SERGEF: variants seen among roughly 807,000 people sequenced by gnomAD.
SERGEF encodes secretion-regulating guanine nucleotide exchange factor.
In SERGEF, 51 loss-of-function variants were observed where a neutral mutation model predicts 50.0. The observed-to-expected ratio is 1.02, with a 90% CI of 0.81 to 1.29. The LOEUF is 1.29. Ranked by LOEUF, SERGEF falls within the 50% of genes most tolerant of loss-of-function variation. The pLI is 0.00. For missense variants in SERGEF, 521 were observed against 557.0 expected (o/e 0.94, Z 0.65); for synonymous variants, 205 against 212.4 (o/e 0.97, Z 0.30).
At chr11:18,001,841 C>G in intron 4 of SERGEF, 1 of 312,430 alleles carries the variant, frequency 3.2e-6, no homozygotes, top group Non-Finnish European at 6.3e-6. Context: ...AACTCTATAG[C>G]ATAATCATAA....
intron 9 of SERGEF, among the ~76,000 whole-genome samples, chr11:17,956,411 T>C (rs1357448976): frequency 6.6e-6 from 1 of 152,224 alleles, no homozygotes; most frequent in Non-Finnish European, 1.5e-5. Context: ...TAGAGGCCAG[T>C]TGAGTTTACC....
intron 9 of SERGEF, among the ~76,000 whole-genome samples, chr11:17,910,893 G>A (rs564172250): frequency 3.3e-5 from 5 of 152,288 alleles, no homozygotes; most frequent in South Asian, 4.1e-4. Context: ...GGCCAGGAGG[G>A]CCTCGTGGCT....
At chr11:17,831,204 T>C (rs1367606621) in intron 10 of SERGEF, among the ~76,000 whole-genome samples, 1 of 152,152 alleles carries the variant, frequency 6.6e-6, no homozygotes, top group Non-Finnish European at 1.5e-5. Flanking sequence ...TTCAGCAGGA[T>C]GAGATAGAGC....
intron 8 of SERGEF, among the ~76,000 whole-genome samples, chr11:17,981,444 A>T (rs924346649): frequency 2.0e-5 from 3 of 152,246 alleles, no homozygotes; most frequent in Non-Finnish European, 4.4e-5. Context: ...CTGGAATTAG[A>T]ATAGCAGGCT....
intron 6 of SERGEF, among the ~76,000 whole-genome samples, chr11:17,994,292 G>C (rs902355770): frequency 3.9e-5 from 6 of 151,940 alleles, no homozygotes; most frequent in African/African-American, 1.5e-4. Context: ...GGTTAACACG[G>C]TGAAAACCCT....
chr11:17,986,179 A>G (rs1853592026), intron 8 of SERGEF, among the ~76,000 whole-genome samples: 1 of 152,176 alleles, frequency 6.6e-6, no homozygotes, highest in Admixed American at 6.5e-5. Flanking sequence ...TCTTATTCCC[A>G]TTAATGTGAG....
At chr11:17,916,962 T>C (rs1852059563) in intron 9 of SERGEF, among the ~76,000 whole-genome samples, 5 of 152,240 alleles carry the variant, frequency 3.3e-5, no homozygotes, top group Admixed American at 2.0e-4. Flanking sequence ...TTGTACACTG[T>C]TGGTGGGAAT....
chr11:17,926,653 G>T, intron 9 of SERGEF: 1 of 425,776 alleles, frequency 2.3e-6, no homozygotes, highest in South Asian at 1.7e-5. Context: ...TATGCCAGAG[G>T]TTCAGCAAGT....
At chr11:17,897,291 G>A (rs561103029) in intron 9 of SERGEF, among the ~76,000 whole-genome samples, 2 of 152,264 alleles carry the variant, frequency 1.3e-5, no homozygotes, top group East Asian at 3.9e-4. Context: ...AAGCTTAGAA[G>A]CTGATTCTTC....
At chr11:18,002,706 T>C (rs1231892845) in intron 4 of SERGEF, among the ~76,000 whole-genome samples, 1 of 152,200 alleles carries the variant, frequency 6.6e-6, no homozygotes, top group Admixed American at 6.5e-5. Flanking sequence ...ATTTAAGTAT[T>C]TATGTGCCTA....
chr11:17,851,523 G>A (rs1850713168), intron 10 of SERGEF, among the ~76,000 whole-genome samples: 1 of 152,180 alleles, frequency 6.6e-6, no homozygotes, highest in Non-Finnish European at 1.5e-5. Flanking sequence ...GTGGGGCCCT[G>A]TGTGGGGATA....
chr11:17,984,247 C>A (rs1400674158), intron 8 of SERGEF, among the ~76,000 whole-genome samples: 2 of 152,090 alleles, frequency 1.3e-5, no homozygotes, highest in Non-Finnish European at 1.5e-5. Flanking sequence ...GTTTAATTGG[C>A]TTATGGTTCT....
At chr11:17,910,710 G>GA (rs1489861455) in intron 9 of SERGEF, among the ~76,000 whole-genome samples, 1 of 151,382 alleles carries the variant, frequency 6.6e-6, no homozygotes, top group Admixed American at 6.6e-5. Context: ...AGGACATAGA[G>GA]AAAAAAAATC....
intron 8 of SERGEF, among the ~76,000 whole-genome samples, chr11:17,986,176 C>T (rs760573088): frequency 8.5e-5 from 13 of 152,124 alleles, no homozygotes; most frequent in African/African-American, 2.9e-4. Context: ...AAATCTTATT[C>T]CCATTAATGT....
chr11:17,887,368 A>T (rs1404287798), intron 9 of SERGEF, among the ~76,000 whole-genome samples: 1 of 152,226 alleles, frequency 6.6e-6, no homozygotes, highest in East Asian at 1.9e-4. Flanking sequence ...ATTTCAGTAA[A>T]GGCATGCCAC....
At chr11:17,791,799 A>T (rs1000812132) in intron 10 of SERGEF, among the ~76,000 whole-genome samples, 1 of 152,266 alleles carries the variant, frequency 6.6e-6, no homozygotes, top group African/African-American at 2.4e-5. Flanking sequence ...AGTATAGTAT[A>T]TGCAAAAGAC....
intron 9 of SERGEF, among the ~76,000 whole-genome samples, chr11:17,952,167 G>T (rs1852785911): frequency 6.6e-6 from 1 of 152,182 alleles, no homozygotes; most frequent in Non-Finnish European, 1.5e-5. Flanking sequence ...AAATAGGCAT[G>T]TTAATAATTA....
chr11:17,811,568 A>AG (rs1849875055), intron 10 of SERGEF, among the ~76,000 whole-genome samples: 1 of 152,226 alleles, frequency 6.6e-6, no homozygotes, highest in Non-Finnish European at 1.5e-5. Flanking sequence ...CTCAGCGTGG[A>AG]GGAAGAAAGA....
intron 10 of SERGEF, among the ~76,000 whole-genome samples, chr11:17,867,256 A>G (rs945361789): frequency 1.8e-4 from 27 of 152,248 alleles, no homozygotes; most frequent in African/African-American, 6.0e-4. Flanking sequence ...CTTAGATACA[A>G]TGGGGGTACA....
Sources: allele counts gnomAD v4.1 joint callset (sites outside exome capture counted in the v4.1 genomes callset), GRCh38; gene constraint gnomAD v4.1.1; transcripts MANE v1.5; gene names NCBI Gene and HGNC (gene_info 2026-07-23, HGNC 2026-07-21).